The following KCNMA1 variants were observed in gnomAD, a reference collection of about 807,000 sequenced individuals.
KCNMA1 encodes potassium calcium-activated channel subfamily M alpha 1.
KCNMA1 carries 29 observed loss-of-function variants against 140.0 expected under a neutral mutation model. The observed-to-expected ratio is 0.21, with a 90% CI of 0.15 to 0.28. KCNMA1 has a LOEUF of 0.28. KCNMA1 is among the 10% of genes least tolerant of loss of function. The pLI is 1.00. For synonymous variants in KCNMA1, 612 were observed against 611.9 expected, an observed-to-expected ratio of 1.00 and a Z score of 0.00; for missense variants, 880 against 1,602.2, an observed-to-expected ratio of 0.55 and a Z score of 7.70.
At chr10:77,239,917 C>A (rs1462709972) in intron 3 of KCNMA1, among the ~76,000 whole-genome samples, 1 of 152,202 alleles carries the variant, frequency 6.6e-6, no homozygotes, top group Non-Finnish European at 1.5e-5. Flanking sequence ...CCATGTCAAC[C>A]TGTACCTTAT....
intron 3 of KCNMA1, among the ~76,000 whole-genome samples, chr10:77,211,549 G>T (rs555806330): frequency 6.6e-5 from 10 of 152,184 alleles, no homozygotes; most frequent in Admixed American, 5.9e-4. Context: ...CCTTGGCAAA[G>T]AATTTTTTAC....
intron 1 of KCNMA1, among the ~76,000 whole-genome samples, chr10:77,406,458 G>C (rs2096475920): frequency 6.6e-6 from 1 of 152,184 alleles, no homozygotes; most frequent in Non-Finnish European, 1.5e-5. Flanking sequence ...TAAAGCAATG[G>C]TTATCACAAT....
At position 77,223,209 on chromosome 10, in the gene KCNMA1, G is replaced by A. The variant is rs1388646396; in HGVS notation, c.602+27986C>T. ...ATGCCATTGCACTCCAGCTCTGGGT[G>A]ACAGAGCAAGTTTCCATCTCAGAAA... On this transcript the variant is annotated intron_variant, in intron 3 of 27. Transcript: ENST00000286628. 4.0e-5 allele frequency among the ~76,000 whole-genome samples: 6 copies of A among 151,278 alleles called. No individual in the cohort carries two copies. The South Asian group carries it at 1.0e-3, about 26-fold the overall frequency.
At chr10:77,063,565 G>T in intron 14 of KCNMA1, 1 of 181,458 alleles carries the variant, frequency 5.5e-6, no homozygotes, top group Non-Finnish European at 1.1e-5. Context: ...TCCTTGTTTT[G>T]CACCCCTAGA....
chr10:77,551,558 C>G (rs2062848265), intron 1 of KCNMA1, among the ~76,000 whole-genome samples: 1 of 152,244 alleles, frequency 6.6e-6, no homozygotes, highest in Non-Finnish European at 1.5e-5. Flanking sequence ...GCACTGCTCT[C>G]CATGTGGCCA....
intron 2 of KCNMA1, among the ~76,000 whole-genome samples, chr10:77,379,511 C>G (rs2095305988): frequency 6.7e-6 from 1 of 149,136 alleles, no homozygotes; most frequent in Non-Finnish European, 1.5e-5. Flanking sequence ...AGAAGAGAAG[C>G]AGAAGAGACT....
chr10:77,290,570 C>T (rs1025967247), intron 2 of KCNMA1, among the ~76,000 whole-genome samples: 2 of 152,190 alleles, frequency 1.3e-5, no homozygotes, highest in Non-Finnish European at 2.9e-5. Context: ...CAATTATTCA[C>T]GTGCACAGAC....
intron 2 of KCNMA1, among the ~76,000 whole-genome samples, chr10:77,369,692 T>C (rs2094559965): frequency 6.6e-6 from 1 of 152,140 alleles, no homozygotes; most frequent in South Asian, 2.1e-4. Flanking sequence ...ATTCCAGAAG[T>C]TTTAACTCTC....
At chr10:77,460,973 G>A (rs1230773195) in intron 1 of KCNMA1, among the ~76,000 whole-genome samples, 3 of 152,146 alleles carry the variant, frequency 2.0e-5, no homozygotes, top group Non-Finnish European at 4.4e-5. Flanking sequence ...GGGCGTGGTG[G>A]CATGCCACTG....
intron 5 of KCNMA1, among the ~76,000 whole-genome samples, chr10:77,135,066 G>T (rs553558841): frequency 1.4e-3 from 161 of 112,378 alleles, no homozygotes; most frequent in African/African-American, 5.1e-3. Context: ...ACAACCTACA[G>T]AATGGGAGAA....
chr10:77,568,611 A>G (rs1450955827), intron 1 of KCNMA1, among the ~76,000 whole-genome samples: 6 of 150,946 alleles, frequency 4.0e-5, no homozygotes, highest in Admixed American at 4.0e-4. Context: ...ATCTATGACA[A>G]ACCCACAGCC....
At chr10:77,128,273 T>C (rs2097782260) in intron 5 of KCNMA1, among the ~76,000 whole-genome samples, 1 of 152,112 alleles carries the variant, frequency 6.6e-6, no homozygotes, top group African/African-American at 2.4e-5. Context: ...TAAAGTATTT[T>C]TCCTACTGTC....
chr10:77,496,596 CAAAAAAAAAAAAAAAA>C (rs201304328), intron 1 of KCNMA1, among the ~76,000 whole-genome samples: 1 of 62,972 alleles, frequency 1.6e-5, no homozygotes. Context: ...GACACTGTCT[CAAAAAAAAAAAAAAAA>C]AAAAAAAAAA....
At chr10:77,622,933 C>T (rs1020868653) in intron 1 of KCNMA1, among the ~76,000 whole-genome samples, 4 of 152,154 alleles carry the variant, frequency 2.6e-5, no homozygotes, top group East Asian at 3.8e-4. Flanking sequence ...TCTTAGAGAC[C>T]GGAGGTTCTT....
At chr10:77,601,665 T>A (rs1047565966) in intron 1 of KCNMA1, among the ~76,000 whole-genome samples, 10 of 152,192 alleles carry the variant, frequency 6.6e-5, no homozygotes, top group Non-Finnish European at 1.0e-4. Flanking sequence ...CACAGTCCAA[T>A]CCCAATGGTC....
chr10:77,632,267 AG>A (rs1178964505), intron 1 of KCNMA1, among the ~76,000 whole-genome samples: 1 of 152,036 alleles, frequency 6.6e-6, no homozygotes, highest in African/African-American at 2.4e-5. Flanking sequence ...AACCTGGCCT[AG>A]GGGGTGTCTT....
intron 2 of KCNMA1, among the ~76,000 whole-genome samples, chr10:77,366,502 T>C (rs116903344): frequency 0.018 from 2,727 of 152,292 alleles, 47 homozygotes; most frequent in Non-Finnish European, 0.029. Flanking sequence ...TTATTTCATT[T>C]TTGGAGTCAT....
chr10:76,899,588 T>A (rs7908126), intron 25 of KCNMA1, among the ~76,000 whole-genome samples: 2,564 of 152,214 alleles, frequency 0.017, 48 homozygotes, highest in African/African-American at 0.057. Context: ...AACTCAGAGT[T>A]AAGTAGTTGT....
intron 23 of KCNMA1, among the ~76,000 whole-genome samples, chr10:76,919,269 A>G (rs2152489909): frequency 6.6e-6 from 1 of 152,284 alleles, no homozygotes; most frequent in South Asian, 2.1e-4. Context: ...GAACTTACTC[A>G]TGCAACCAAA....
Sources: gnomAD v4.1 joint callset for allele counts (sites outside exome capture counted in the v4.1 genomes callset) on GRCh38, gnomAD v4.1.1 for gene constraint, MANE v1.5 for transcripts, NCBI Gene and HGNC (gene_info 2026-07-23, HGNC 2026-07-21) for gene names.